Variants in SCHIP1 observed in about 807,000 individuals in gnomAD.
SCHIP1 encodes schwannomin-interacting protein 1.
In SCHIP1, 8 loss-of-function variants were observed where a neutral mutation model predicts 29.7. The ratio of observed to expected loss-of-function variants is 0.27; its 90% CI spans 0.16 to 0.49. SCHIP1 has a LOEUF of 0.49. Ranked by LOEUF, SCHIP1 falls within the 20% of genes least tolerant of loss-of-function variation. The pLI is 0.99. For missense variants in SCHIP1, 193 were observed against 294.6 expected (o/e 0.66, Z 2.52); for synonymous variants, 76 against 94.9 (o/e 0.80, Z 1.16).
chr3:159,500,408 G>A, the SCHIP1 span, among the ~76,000 whole-genome samples: 1 of 151,996 alleles, frequency 6.6e-6, no homozygotes, highest in Non-Finnish European at 1.5e-5. Context: ...ATTATTTCAT[G>A]CCCTTAAAAG....
At chr3:159,553,118 A>G in the SCHIP1 span, among the ~76,000 whole-genome samples, 1 of 152,168 alleles carries the variant, frequency 6.6e-6, no homozygotes, top group East Asian at 1.9e-4. Context: ...CTTTCTAATC[A>G]GGCAATATTT....
At chr3:159,341,993 A>G in the SCHIP1 span, among the ~76,000 whole-genome samples, 1 of 152,192 alleles carries the variant, frequency 6.6e-6, no homozygotes, top group Non-Finnish European at 1.5e-5. Context: ...ATGTAAGGGA[A>G]TATATATAGT....
the SCHIP1 span, among the ~76,000 whole-genome samples, chr3:159,278,652 G>T: frequency 6.6e-6 from 1 of 152,018 alleles, no homozygotes; most frequent in African/African-American, 2.4e-5. Flanking sequence ...TATAAATTGG[G>T]AGAAATCCTG....
the SCHIP1 span, among the ~76,000 whole-genome samples, chr3:159,787,435 A>G: frequency 1.3e-5 from 2 of 152,182 alleles, no homozygotes; most frequent in Admixed American, 1.3e-4. Context: ...TGTCAGCCTT[A>G]CCTGGGCCCT....
At chr3:159,791,150 TA>T in the SCHIP1 span, among the ~76,000 whole-genome samples, 1 of 152,266 alleles carries the variant, frequency 6.6e-6, no homozygotes, top group African/African-American at 2.4e-5. Context: ...TCAGCGCAGA[TA>T]AGTAGATTCA....
chr3:159,425,511 G>A, the SCHIP1 span, among the ~76,000 whole-genome samples: 82 of 151,652 alleles, frequency 5.4e-4, no homozygotes, highest in Middle Eastern at 3.4e-3. Flanking sequence ...ATATATATGC[G>A]CCCAACACAG....
chr3:159,480,442 G>A, the SCHIP1 span, among the ~76,000 whole-genome samples: 1 of 152,110 alleles, frequency 6.6e-6, no homozygotes, highest in African/African-American at 2.4e-5. Context: ...TTTCTAGGTT[G>A]ATGTCAATTT....
the SCHIP1 span, among the ~76,000 whole-genome samples, chr3:159,334,912 T>A: frequency 2.2e-5 from 3 of 138,268 alleles, no homozygotes; most frequent in African/African-American, 5.4e-5. Flanking sequence ...TTTTTTTTTT[T>A]AATTTTGAGA....
chr3:159,536,515 G>A, the SCHIP1 span, among the ~76,000 whole-genome samples: 6 of 152,288 alleles, frequency 3.9e-5, no homozygotes, highest in South Asian at 1.0e-3. Context: ...GAAAAACCAA[G>A]ATACCCTCTG....
the SCHIP1 span, among the ~76,000 whole-genome samples, chr3:159,301,376 C>T: frequency 1.4e-4 from 21 of 152,034 alleles, no homozygotes; most frequent in Non-Finnish European, 5.9e-5. Flanking sequence ...CTTAACACGA[C>T]TTTTTTTTCT....
At chr3:159,543,146 A>T in the SCHIP1 span, among the ~76,000 whole-genome samples, 1 of 151,050 alleles carries the variant, frequency 6.6e-6, no homozygotes, top group Non-Finnish European at 1.5e-5. Context: ...TAGATATAAA[A>T]GTCATTCTAT....
the SCHIP1 span, among the ~76,000 whole-genome samples, chr3:159,281,540 T>C: frequency 0.16 from 24,507 of 152,226 alleles, 2,303 homozygotes; most frequent in Middle Eastern, 0.27. Context: ...GTACATTTTG[T>C]ATTTTCATGA....
At chr3:159,870,332 C>T (rs1358503796) in intron 2 of SCHIP1, among the ~76,000 whole-genome samples, 3 of 151,848 alleles carry the variant, frequency 2.0e-5, no homozygotes, top group African/African-American at 7.2e-5. Context: ...ACTGTTTTCC[C>T]ATTTCAGATG....
the SCHIP1 span, among the ~76,000 whole-genome samples, chr3:159,529,396 A>T: frequency 2.6e-5 from 4 of 152,214 alleles, no homozygotes; most frequent in Non-Finnish European, 5.9e-5. Context: ...GCAAGTCAGG[A>T]TGTGGTATCT....
the SCHIP1 span, among the ~76,000 whole-genome samples, chr3:159,456,012 A>C: frequency 6.6e-6 from 1 of 152,200 alleles, no homozygotes; most frequent in Non-Finnish European, 1.5e-5. Context: ...CCGGCTGAGC[A>C]GTATTAAGTC....
At chr3:159,820,063 G>C in the SCHIP1 span, among the ~76,000 whole-genome samples, 2 of 152,124 alleles carry the variant, frequency 1.3e-5, no homozygotes, top group Non-Finnish European at 2.9e-5. Context: ...TTTTTGGGGG[G>C]ATCACATAGA....
the SCHIP1 span, among the ~76,000 whole-genome samples, chr3:159,607,783 A>C: frequency 6.6e-6 from 1 of 152,230 alleles, no homozygotes; most frequent in African/African-American, 2.4e-5. Context: ...GGGATATCTG[A>C]TGTCAAGTGG....
At chr3:159,877,749 T>G (rs981892651) in intron 2 of SCHIP1, among the ~76,000 whole-genome samples, 4 of 152,230 alleles carry the variant, frequency 2.6e-5, no homozygotes, top group Admixed American at 2.0e-4. Context: ...CTAACCTTCA[T>G]TGCCTCAACA....
the SCHIP1 span, among the ~76,000 whole-genome samples, chr3:159,585,147 C>A: frequency 6.6e-6 from 1 of 151,918 alleles, no homozygotes; most frequent in Non-Finnish European, 1.5e-5. Context: ...CTCCTGTATA[C>A]TAGATAATTG....
Sources: gnomAD v4.1 joint callset for allele counts (sites outside exome capture counted in the v4.1 genomes callset) on GRCh38, gnomAD v4.1.1 for gene constraint, MANE v1.5 for transcripts, NCBI Gene and HGNC (gene_info 2026-07-23, HGNC 2026-07-21) for gene names.